NKAIN2: variants seen among roughly 807,000 people sequenced by gnomAD.
The protein encoded by NKAIN2 is sodium/potassium transporting ATPase interacting 2.
In NKAIN2, 14 loss-of-function variants were observed where a neutral mutation model predicts 32.6. The ratio of observed to expected loss-of-function variants is 0.43; its 90% CI spans 0.28 to 0.67. NKAIN2 has a LOEUF of 0.67. NKAIN2 is among the 30% of genes least tolerant of loss of function. The pLI, the probability that NKAIN2 is intolerant of heterozygous loss-of-function variation, is 0.17. For synonymous variants in NKAIN2, 80 were observed against 87.2 expected (o/e 0.92, Z 0.46); for missense variants, 198 against 258.3 (o/e 0.77, Z 1.60).
At chr6:124,241,656 TAATA>T (rs1793103035) in intron 1 of NKAIN2, among the ~76,000 whole-genome samples, 1 of 152,154 alleles carries the variant, frequency 6.6e-6, no homozygotes, top group African/African-American at 2.4e-5. Flanking sequence ...ATTCCCTGTT[TAATA>T]AATGGTGTTG....
chr6:123,966,226 G>A (rs74716109), intron 1 of NKAIN2, among the ~76,000 whole-genome samples: 2,779 of 152,268 alleles, frequency 0.018, 84 homozygotes, highest in African/African-American at 0.063. Context: ...GTTTAGGAAT[G>A]CAGGGATACT....
At chr6:124,013,724 G>A (rs745485677) in intron 1 of NKAIN2, among the ~76,000 whole-genome samples, 8 of 152,140 alleles carry the variant, frequency 5.3e-5, no homozygotes, top group Non-Finnish European at 8.8e-5. Flanking sequence ...AGATTATCCA[G>A]GTGGGCCCAG....
chr6:124,441,326 T>C, intron 3 of NKAIN2, among the ~76,000 whole-genome samples: 1 of 152,082 alleles, frequency 6.6e-6, no homozygotes, highest in South Asian at 2.1e-4. Flanking sequence ...AATGTGGTAG[T>C]TTAAAATGTA....
intron 3 of NKAIN2, among the ~76,000 whole-genome samples, chr6:124,487,889 A>C (rs1777715790): frequency 6.6e-6 from 1 of 151,996 alleles, no homozygotes; most frequent in African/African-American, 2.4e-5. Flanking sequence ...TCTCCTTTAT[A>C]CTTTGACACC....
chr6:124,054,025 T>A (rs1782527878), intron 1 of NKAIN2, among the ~76,000 whole-genome samples: 1 of 152,106 alleles, frequency 6.6e-6, no homozygotes, highest in South Asian at 2.1e-4. Flanking sequence ...AAACAATGAA[T>A]ATTTCTATCT....
chr6:124,762,149 G>A (rs1316117176), intron 4 of NKAIN2, among the ~76,000 whole-genome samples: 2 of 152,132 alleles, frequency 1.3e-5, no homozygotes, highest in Non-Finnish European at 2.9e-5. Context: ...TAGTTCTGGA[G>A]ACTGGAAGTC....
At chr6:124,473,890 T>C (rs1440648655) in intron 3 of NKAIN2, among the ~76,000 whole-genome samples, 1 of 152,156 alleles carries the variant, frequency 6.6e-6, no homozygotes, top group African/African-American at 2.4e-5. Context: ...CTCAAGACAG[T>C]GTGCAAACAA....
chr6:123,833,155 T>C (rs1774456881), intron 1 of NKAIN2, among the ~76,000 whole-genome samples: 1 of 152,214 alleles, frequency 6.6e-6, no homozygotes, highest in African/African-American at 2.4e-5. Flanking sequence ...GAGTCACTTT[T>C]TTTTGCATCT....
At chr6:124,263,223 T>TGG (rs1794331333) in intron 1 of NKAIN2, among the ~76,000 whole-genome samples, 1 of 152,166 alleles carries the variant, frequency 6.6e-6, no homozygotes, top group Non-Finnish European at 1.5e-5. Context: ...CATAAGACAG[T>TGG]GGGTAAAATA....
intron 1 of NKAIN2, among the ~76,000 whole-genome samples, chr6:124,194,835 C>T (rs187953439): frequency 2.6e-5 from 4 of 152,106 alleles, no homozygotes; most frequent in Admixed American, 6.6e-5. Context: ...ATGCCATGGA[C>T]TGGAATAGGG....
At chr6:124,344,171 G>A (rs1798284155) in intron 2 of NKAIN2, among the ~76,000 whole-genome samples, 1 of 152,092 alleles carries the variant, frequency 6.6e-6, no homozygotes, top group African/African-American at 2.4e-5. Context: ...TGAGGGCTCT[G>A]TTCTGTCACA....
chr6:124,256,392 A>G (rs1234429382), intron 1 of NKAIN2, among the ~76,000 whole-genome samples: 2 of 152,208 alleles, frequency 1.3e-5, no homozygotes, highest in Non-Finnish European at 2.9e-5. Context: ...ATCAATTTTA[A>G]ATTTAAGCAA....
At chr6:124,177,062 G>A (rs1269718447) in intron 1 of NKAIN2, among the ~76,000 whole-genome samples, 2 of 151,812 alleles carry the variant, frequency 1.3e-5, no homozygotes, top group Non-Finnish European at 2.9e-5. Flanking sequence ...TCCTATGTGG[G>A]TATAATAAAA....
intron 1 of NKAIN2, among the ~76,000 whole-genome samples, chr6:123,922,715 C>T (rs1775812193): frequency 6.6e-6 from 1 of 151,966 alleles, no homozygotes; most frequent in African/African-American, 2.4e-5. Flanking sequence ...CTTGGTGTCT[C>T]CATTGTTTGC....
intron 1 of NKAIN2, among the ~76,000 whole-genome samples, chr6:123,816,489 T>G (rs1176822523): frequency 6.6e-6 from 1 of 152,028 alleles, no homozygotes; most frequent in African/African-American, 2.4e-5. Flanking sequence ...CCCGGTGAAA[T>G]TAGGTGGCAA....
intron 3 of NKAIN2, among the ~76,000 whole-genome samples, chr6:124,371,693 C>CAAAAAAAA (rs10679200): frequency 3.1e-5 from 3 of 95,738 alleles, no homozygotes; most frequent in Admixed American, 1.3e-4. Flanking sequence ...GACTCTGTCT[C>CAAAAAAAA]AAAAAAAAAA....
chr6:124,704,580 A>G (rs1774956936), intron 4 of NKAIN2, among the ~76,000 whole-genome samples: 1 of 151,930 alleles, frequency 6.6e-6, no homozygotes, highest in Admixed American at 6.6e-5. Context: ...CCCTACTGGG[A>G]GAAAATAATA....
chr6:124,279,542 A>C (rs2114910086), intron 1 of NKAIN2, among the ~76,000 whole-genome samples: 1 of 151,712 alleles, frequency 6.6e-6, no homozygotes, highest in Middle Eastern at 3.4e-3. Flanking sequence ...GTTGTAAATA[A>C]AATTTGTGTC....
At chr6:124,336,958 A>G (rs576628419) in intron 2 of NKAIN2, among the ~76,000 whole-genome samples, 4 of 152,208 alleles carry the variant, frequency 2.6e-5, no homozygotes, top group Admixed American at 1.3e-4. Flanking sequence ...GGAGTGAGCC[A>G]CAGCACCTGG....
Sources: allele counts gnomAD v4.1 joint callset (sites outside exome capture counted in the v4.1 genomes callset), GRCh38; gene constraint gnomAD v4.1.1; transcripts MANE v1.5; gene names NCBI Gene and HGNC (gene_info 2026-07-23, HGNC 2026-07-21).